C5: variants seen among roughly 807,000 people sequenced by gnomAD.
The protein encoded by C5 is complement C5.
In C5, 140 loss-of-function variants were observed where a neutral mutation model predicts 218.8. The ratio of observed to expected loss-of-function variants is 0.64; its 90% confidence interval spans 0.56 to 0.74. The LOEUF (loss-of-function observed/expected upper bound fraction) is 0.74. C5 is among the 30% of genes least tolerant of loss of function. C5 has a pLI of 0.00. For synonymous variants in C5, 614 were observed against 682.3 expected, an observed-to-expected ratio of 0.90 and a Z score of 1.56; for missense variants, 1,700 against 1,969.6, an observed-to-expected ratio of 0.86 and a Z score of 2.59.
rs1228574576 is a variant in C5, at chr9:121,006,942, G to C, written c.2384C>G (p.Thr795Ser). 11 of 1,612,838 alleles carry C rather than the reference G, an allele frequency of 6.8e-6. No individual in the cohort carries two copies. Among genetic ancestry groups the C allele is most frequent in the Non-Finnish European group, 9.3e-6 (11 of 1,178,924 alleles). Reference sequence around the variant, plus strand: ...GCCAACGCCTTGAATTTCCCAGGTGGTTAGAGAATCAGGTAGGGCAAACTG... The same window carrying C: ...GCCAACGCCTTGAATTTCCCAGGTGCTTAGAGAATCAGGTAGGGCAAACTG... ...QLQFALPDSL[T>S]TWEIQGVGIS... Residue 795 changes from threonine to serine, a missense_variant, in exon 19 of 41, where the codon ACC (threonine) becomes AGC (serine). Thr to Ser is a moderately conservative substitution (Grantham distance 58). Transcript: ENST00000223642.
At chr9:121,022,052 A>C (rs2047370719) in intron 10 of C5, among the ~76,000 whole-genome samples, 2 of 152,234 alleles carry the variant, frequency 1.3e-5, no homozygotes, top group South Asian at 4.1e-4. Context: ...AATTCTATTT[A>C]GTTAAATCAT....
the C5 span, among the ~76,000 whole-genome samples, chr9:121,060,877 T>C: frequency 2.0e-5 from 3 of 152,210 alleles, no homozygotes. Flanking sequence ...AGAAGGTCTG[T>C]ATTGCTTCAT....
chr9:120,988,707 T>G (rs1422445261), intron 25 of C5, among the ~76,000 whole-genome samples: 1 of 152,142 alleles, frequency 6.6e-6, no homozygotes, highest in Non-Finnish European at 1.5e-5. Flanking sequence ...CTAACATATG[T>G]TTTAACAGGG....
At chr9:121,064,030 T>G in the C5 span, among the ~76,000 whole-genome samples, 1 of 152,198 alleles carries the variant, frequency 6.6e-6, no homozygotes, top group Non-Finnish European at 1.5e-5. Context: ...CTCATGAATC[T>G]CACCAGCATT....
intron 1 of C5, 74 bp from the exon 2 acceptor site, chr9:121,046,457 T>A: frequency 9.6e-7 from 1 of 1,041,984 alleles, no homozygotes; most frequent in Non-Finnish European, 1.5e-6. Flanking sequence ...TTTTTTTCTC[T>A]CACTTGAGAG....
At chr9:120,976,656 TA>T in intron 29 of C5, 43 bp downstream of exon 29, 1 of 1,520,060 alleles carries the variant, frequency 6.6e-7, no homozygotes. Flanking sequence ...GGGGAGAAAA[TA>T]AAAATGTCTA....
At chr9:120,997,485 CCT>C (rs2047126498) in intron 21 of C5, 60 bp downstream of exon 21, 16 of 1,197,150 alleles carry the variant, frequency 1.3e-5, no homozygotes, top group South Asian at 2.5e-5. Context: ...CTCTCCCCCC[CCT>C]TTCTGTGTCT....
At chr9:121,037,169 AGAG>A (rs952292524) in intron 4 of C5, among the ~76,000 whole-genome samples, 1 of 152,120 alleles carries the variant, frequency 6.6e-6, no homozygotes. Flanking sequence ...AAGTTCCTTA[AGAG>A]TAAGTACCAT....
intron 25 of C5, among the ~76,000 whole-genome samples, chr9:120,985,567 A>G (rs1231124689): frequency 7.7e-6 from 1 of 130,090 alleles, no homozygotes; most frequent in East Asian, 2.0e-4. Context: ...ATAGGAATAG[A>G]TAAAGAATAT....
At position 120,952,896 on chromosome 9, in the gene C5, T is replaced by C; in HGVS notation, c.4902-28A>G. ...ACCAAGAAACAAAGTGTTTGTGAGG[T>C]GGCCACAAAACAGAAAAGCTGAATT... On this transcript the variant is annotated intron_variant, in intron 40 of 40. Coordinates refer to ENST00000223642, the MANE Select transcript of C5 (RefSeq NM_001735.3). 3 of 1,611,972 alleles carry C rather than the reference T, an allele frequency of 1.9e-6. No homozygotes were observed. The African/African-American group carries it at 4.0e-5, about 21-fold the overall frequency.
intron 12 of C5, among the ~76,000 whole-genome samples, 171 bp downstream of exon 12, chr9:121,019,805 A>T (rs988698628): frequency 6.6e-6 from 1 of 152,198 alleles, no homozygotes; most frequent in Non-Finnish European, 1.5e-5. Context: ...TGGTCATGAA[A>T]ATCATGCCCT....
In C5 at chr9:121,006,956, T is replaced by C; in HGVS notation, c.2370A>G (p.Leu790=). 1 of 1,612,350 alleles carries C rather than the reference T, an allele frequency of 6.2e-7. No homozygotes were observed. The highest frequency in any genetic ancestry group is 8.5e-7 in the Non-Finnish European group (1 of 1,178,438). Residue 790 remains leucine (L), a synonymous_variant, in exon 19 of 41, where the codon CTA becomes CTG. Coordinates refer to ENST00000223642, the MANE Select transcript of C5 (RefSeq NM_001735.3). ...TTTCCCAGGTGGTTAGAGAATCAGG[T>C]AGGGCAAACTGCAACTGTTTTCTGG... ...VPRRKQLQFA[L]PDSLTTWEIQ... is the part of the protein sequence containing the mutation.
At chr9:121,018,252 CA>C (rs1189613789) in intron 12 of C5, among the ~76,000 whole-genome samples, 76 of 42,208 alleles carry the variant, frequency 1.8e-3, no homozygotes, top group East Asian at 8.1e-3. Flanking sequence ...GACTCTGTCT[CA>C]AAAAAAAAAA....
chr9:120,962,711 G>A lies in C5; in HGVS notation c.4464C>T (p.Leu1488=), dbSNP rs1482971215. 1 of 1,614,032 alleles carries A rather than the reference G, an allele frequency of 6.2e-7. No homozygotes were observed. The highest frequency in any genetic ancestry group is 8.5e-7 in the Non-Finnish European group (1 of 1,179,918). Residue 1488 remains leucine, a synonymous_variant, in exon 36 of 41, where the codon CTC becomes CTT. Coordinates refer to ENST00000223642, the MANE Select transcript of C5 (RefSeq NM_001735.3). ...RIFELFEVGF[L]SPATFTVYEY... ...CGTACACTGTGAAAGTGGCAGGACT[G>A]AGAAACCCAACTTCAAAGAGTTCAA... is the stretch of plus-strand genomic sequence containing the variant.
chr9:121,030,563 T>A (rs1304018975), intron 6 of C5, 76 bp from the exon 7 acceptor site: 2 of 798,418 alleles, frequency 2.5e-6, no homozygotes, highest in Non-Finnish European at 4.1e-6. Context: ...CAGCTAGACT[T>A]TCTGGTATAG....
chr9:121,064,690 C>A, the C5 span, among the ~76,000 whole-genome samples: 1 of 152,162 alleles, frequency 6.6e-6, no homozygotes, highest in Non-Finnish European at 1.5e-5. Context: ...AGTTTGACTT[C>A]TAAAGCTGAA....
intron 26 of C5, 97 bp from the exon 27 acceptor site, chr9:120,982,036 G>A (rs2046998182): frequency 2.4e-6 from 2 of 827,168 alleles, no homozygotes; most frequent in Admixed American, 2.0e-5. Flanking sequence ...GTTTGAGATG[G>A]AGTCTCACTC....
chr9:120,969,145 A>C, intron 32 of C5, 27 bp from the exon 33 acceptor site: 1 of 1,598,168 alleles, frequency 6.3e-7, no homozygotes, highest in Non-Finnish European at 8.6e-7. Context: ...GAAAACAAAC[A>C]GACAAATATA....
chr9:121,034,084 C>CT (rs1315731926), intron 5 of C5, among the ~76,000 whole-genome samples: 5 of 151,970 alleles, frequency 3.3e-5, no homozygotes, highest in Admixed American at 6.6e-5. Context: ...CCACGCCTGG[C>CT]TTTTTTTGTA....
Sources: allele counts gnomAD v4.1 joint callset (sites outside exome capture counted in the v4.1 genomes callset), GRCh38; gene constraint gnomAD v4.1.1; transcripts MANE v1.5; gene names NCBI Gene and HGNC (gene_info 2026-07-23, HGNC 2026-07-21).